Variants in PDE1A observed in about 807,000 individuals in gnomAD.
PDE1A encodes phosphodiesterase 1A, also known as dual specificity calcium/calmodulin-dependent 3',5'-cyclic nucleotide phosphodiesterase 1A.
In PDE1A, 35 loss-of-function variants were observed where a neutral mutation model predicts 61.7. That is an observed-to-expected ratio of 0.57 (90% CI 0.43 to 0.75). The LOEUF (loss-of-function observed/expected upper bound fraction) is 0.75. Ranked by LOEUF, PDE1A falls within the 30% of genes least tolerant of loss-of-function variation. The probability of loss-of-function intolerance (pLI) is 0.00; values close to 1 mark genes in which losing one functional copy is unlikely to be tolerated. For synonymous variants in PDE1A, 232 were observed against 213.2 expected (o/e 1.09, Z -0.77); for missense variants, 597 against 630.6 (o/e 0.95, Z 0.57).
At chr2:182,533,092 A>G in the PDE1A span, among the ~76,000 whole-genome samples, 238 of 152,250 alleles carry the variant, frequency 1.6e-3, no homozygotes, top group African/African-American at 5.6e-3. Context: ...CCGGTGGATC[A>G]TTTGAGGTCA....
At chr2:182,241,999 T>C in intron 2 of PDE1A, 1 of 1,451,154 alleles carries the variant, frequency 6.9e-7, no homozygotes. Flanking sequence ...TAATGCCATT[T>C]CTACTATCTC....
At chr2:182,147,268 A>G in intron 13 of PDE1A, 116 bp from the exon 14 acceptor site, 1 of 543,690 alleles carries the variant, frequency 1.8e-6, no homozygotes, top group Non-Finnish European at 3.2e-6. Flanking sequence ...TTTACAATGG[A>G]TTTTGTGGCA....
intron 2 of PDE1A, among the ~76,000 whole-genome samples, chr2:182,461,012 T>C (rs1198417177): frequency 1.3e-5 from 2 of 152,120 alleles, no homozygotes; most frequent in Non-Finnish European, 2.9e-5. Context: ...ATAAATAAGC[T>C]TCTTTACTAT....
intron 1 of PDE1A, among the ~76,000 whole-genome samples, chr2:182,325,397 C>G (rs1378405198): frequency 6.6e-6 from 1 of 151,918 alleles, no homozygotes; most frequent in African/African-American, 2.4e-5. Flanking sequence ...CTCTATGATA[C>G]CAGATTTGGC....
chr2:182,221,169 C>A (rs1311565598), intron 7 of PDE1A, among the ~76,000 whole-genome samples: 2 of 151,940 alleles, frequency 1.3e-5, no homozygotes, highest in Admixed American at 1.3e-4. Context: ...TAAATCAGGA[C>A]TCTTCATCCA....
chr2:182,264,209 A>G, intron 2 of PDE1A, 92 bp downstream of exon 2: 1 of 805,212 alleles, frequency 1.2e-6, no homozygotes, highest in Non-Finnish European at 2.0e-6. Context: ...AAGATATGCT[A>G]AATTCCTGTT....
At chr2:182,585,966 T>C in the PDE1A span, among the ~76,000 whole-genome samples, 648 of 152,318 alleles carry the variant, frequency 4.3e-3, 2 homozygotes, top group African/African-American at 0.015. Flanking sequence ...ATTACCATGC[T>C]TGACCATGTG....
chr2:182,362,647 G>A (rs1217244165), intron 1 of PDE1A, among the ~76,000 whole-genome samples: 1 of 151,856 alleles, frequency 6.6e-6, no homozygotes, highest in Non-Finnish European at 1.5e-5. Context: ...GGTTGTTGTT[G>A]TGGAAGACAA....
chr2:182,431,121 T>TAAAAAAAAAAAAAAAAAAAAAAAAA (rs538631665), upstream of PDE1A, among the ~76,000 whole-genome samples: 6 of 121,518 alleles, frequency 4.9e-5, no homozygotes, highest in African/African-American at 6.1e-5. Flanking sequence ...AAAAAAACAT[T>TAAAAAAAAAAAAAAAAAAAAAAAAA]AAAAAAAAAA....
intron 2 of PDE1A, among the ~76,000 whole-genome samples, chr2:182,501,183 C>T (rs1389661791): frequency 6.6e-6 from 1 of 152,194 alleles, no homozygotes. Flanking sequence ...TATATAGTGA[C>T]ATAATCATCA....
chr2:182,166,924 A>C (rs959363604), downstream of PDE1A, among the ~76,000 whole-genome samples: 1 of 152,196 alleles, frequency 6.6e-6, no homozygotes, highest in Admixed American at 6.5e-5. Context: ...GTAAAAGATG[A>C]TGTAGGAAAG....
the PDE1A span, among the ~76,000 whole-genome samples, chr2:182,549,760 T>C: frequency 6.6e-6 from 1 of 152,148 alleles, no homozygotes; most frequent in Admixed American, 6.6e-5. Context: ...AATGAGATAG[T>C]GTTTTTTGAC....
chr2:182,242,192 G>T (rs925863627), intron 2 of PDE1A: 22 of 524,158 alleles, frequency 4.2e-5, no homozygotes, highest in Non-Finnish European at 5.7e-5. Context: ...TCATGTTGAT[G>T]GCTTTAAGGC....
At chr2:182,506,218 G>C (rs1689402713) in intron 2 of PDE1A, among the ~76,000 whole-genome samples, 1 of 152,066 alleles carries the variant, frequency 6.6e-6, no homozygotes, top group Non-Finnish European at 1.5e-5. Context: ...GAGTTCGTAA[G>C]AAAGCAATCT....
the PDE1A span, among the ~76,000 whole-genome samples, chr2:182,563,749 G>T: frequency 1.3e-5 from 2 of 152,248 alleles, no homozygotes; most frequent in South Asian, 4.1e-4. Context: ...CCTGTATTGG[G>T]TGCATATATA....
the PDE1A span, among the ~76,000 whole-genome samples, chr2:182,529,297 G>GA: frequency 6.6e-6 from 1 of 152,186 alleles, no homozygotes; most frequent in Non-Finnish European, 1.5e-5. Flanking sequence ...AGATCATTTT[G>GA]GAGCTTTAAG....
intron 10 of PDE1A, among the ~76,000 whole-genome samples, chr2:182,192,209 G>C (rs1685760282): frequency 6.6e-6 from 1 of 152,180 alleles, no homozygotes; most frequent in African/African-American, 2.4e-5. Flanking sequence ...ATTTCCTATA[G>C]GGCTTAGGCA....
At chr2:182,266,105 T>C (rs978345559) in intron 1 of PDE1A, among the ~76,000 whole-genome samples, 4 of 152,182 alleles carry the variant, frequency 2.6e-5, no homozygotes, top group African/African-American at 9.6e-5. Context: ...CAGGAAGCTG[T>C]AAACAATTAC....
the PDE1A span, among the ~76,000 whole-genome samples, chr2:182,570,686 AT>A: frequency 2.6e-5 from 4 of 152,232 alleles, no homozygotes; most frequent in Non-Finnish European, 5.9e-5. Flanking sequence ...ATTGTTTAAA[AT>A]AGGGTAAAAA....
Sources: gnomAD v4.1 joint callset for allele counts (sites outside exome capture counted in the v4.1 genomes callset) on GRCh38, gnomAD v4.1.1 for gene constraint, MANE v1.5 for transcripts, NCBI Gene and HGNC (gene_info 2026-07-23, HGNC 2026-07-21) for gene names.